RANBP2: variants seen among roughly 807,000 people sequenced by gnomAD.
The protein encoded by RANBP2 is E3 SUMO-protein ligase RanBP2.
In RANBP2, 57 loss-of-function variants were observed where a neutral mutation model predicts 303.6. The ratio of observed to expected loss-of-function variants is 0.19; its 90% CI spans 0.15 to 0.23. The LOEUF (loss-of-function observed/expected upper bound fraction) is 0.23, where lower values mean the gene tolerates loss of function less well. Ranked by LOEUF, RANBP2 falls within the 10% of genes least tolerant of loss-of-function variation. The pLI, the probability that RANBP2 is intolerant of heterozygous loss-of-function variation, is 1.00. For missense variants in RANBP2, 3,138 were observed against 3,780.8 expected (o/e 0.83, Z 4.46); for synonymous variants, 1,167 against 1,301.5 (o/e 0.90, Z 2.23).
At chr2:109,620,633 C>T in the RANBP2 span, among the ~76,000 whole-genome samples, 1 of 151,830 alleles carries the variant, frequency 6.6e-6, no homozygotes, top group Non-Finnish European at 1.5e-5. Flanking sequence ...ACCCGGGAGG[C>T]GGAGGTTGCA....
Position 108,766,275 on chromosome 2 carries a change from T to G in RANBP2, c.5736T>G (p.Ser1912Arg), listed in dbSNP as rs2556259. 3.4e-5 allele frequency: 55 copies of G among 1,612,198 alleles called. No individual in the cohort carries two copies. Among genetic ancestry groups the G allele is most frequent in the Non-Finnish European group, 4.2e-5 (49 of 1,179,996 alleles). Residue 1912 changes from serine to arginine, a missense_variant, in exon 20 of 29, where the codon AGT (serine) becomes AGG (arginine). Physicochemically the swap from Ser to Arg is moderately radical, Grantham distance 110. Around this residue, in one of 20 missense-constraint regions of RANBP2, gnomAD observed 348 missense variants for 360.4 expected, o/e 0.97. Transcript: ENST00000283195. ...ISEPGNQEKKSEKPLENGTGF... is the reference protein window; with the variant it reads ...ISEPGNQEKKREKPLENGTGF... ...AACCAGGAAATCAAGAAAAGAAAAG[T>G]GAAAAGCCTCTTGAAAATGGTACTG...
chr2:108,786,372 C>T (rs547967389), downstream of RANBP2, among the ~76,000 whole-genome samples: 1 of 151,824 alleles, frequency 6.6e-6, no homozygotes, highest in Non-Finnish European at 1.5e-5. Flanking sequence ...CGGGACTACA[C>T]GCGCGCCACC....
At chr2:109,392,436 A>G in the RANBP2 span, among the ~76,000 whole-genome samples, 2 of 152,232 alleles carry the variant, frequency 1.3e-5, no homozygotes, top group Admixed American at 1.3e-4. Context: ...CGTGGTGGAT[A>G]TAAGGGTCTG....
the RANBP2 span, among the ~76,000 whole-genome samples, chr2:109,629,527 A>G: frequency 6.6e-6 from 1 of 151,740 alleles, no homozygotes; most frequent in Non-Finnish European, 1.5e-5. Flanking sequence ...AAATGTGTGT[A>G]TGAGGCGAGG....
chr2:108,803,144 A>G, the RANBP2 span, among the ~76,000 whole-genome samples: 123,974 of 152,240 alleles, frequency 0.81, 50,618 homozygotes, highest in East Asian at 0.95. Flanking sequence ...AAGAGGCATT[A>G]AAGTGTTAGC....
chr2:109,220,072 T>C, the RANBP2 span, among the ~76,000 whole-genome samples: 3 of 152,302 alleles, frequency 2.0e-5, no homozygotes, highest in Admixed American at 6.5e-5. Flanking sequence ...GCATAAGGGA[T>C]AGATATATAA....
the RANBP2 span, among the ~76,000 whole-genome samples, chr2:109,006,602 T>A: frequency 6.6e-6 from 1 of 152,120 alleles, no homozygotes; most frequent in East Asian, 1.9e-4. Context: ...GTGACCTCAG[T>A]GGGATGTGGG....
the RANBP2 span, chr2:109,432,771 AG>A: frequency 1.6e-5 from 23 of 1,440,158 alleles, no homozygotes; most frequent in African/African-American, 2.8e-5. Context: ...AGCCGGGCCC[AG>A]AAGGCAGCAA....
the RANBP2 span, among the ~76,000 whole-genome samples, chr2:108,999,953 C>T: frequency 6.6e-6 from 1 of 152,126 alleles, no homozygotes; most frequent in Non-Finnish European, 1.5e-5. Context: ...GTGCCTTTGC[C>T]CAGGCTGCTT....
chr2:109,582,401 CT>C, the RANBP2 span, among the ~76,000 whole-genome samples: 1 of 152,160 alleles, frequency 6.6e-6, no homozygotes. Context: ...CTCACTGCAG[CT>C]TCGACTTCCC....
chr2:108,942,469 C>T, the RANBP2 span, among the ~76,000 whole-genome samples: 1 of 152,242 alleles, frequency 6.6e-6, no homozygotes, highest in South Asian at 2.1e-4. Context: ...CCCTGTGGAC[C>T]TGTGGCAGTT....
At chr2:109,020,229 A>G in the RANBP2 span, among the ~76,000 whole-genome samples, 3 of 152,244 alleles carry the variant, frequency 2.0e-5, no homozygotes, top group Non-Finnish European at 4.4e-5. Flanking sequence ...AGCAGCGCAC[A>G]CAGGCAAAGT....
At chr2:108,843,876 G>GTGTGTGTT in the RANBP2 span, among the ~76,000 whole-genome samples, 1,935 of 13,742 alleles carry the variant, frequency 0.14, 64 homozygotes, top group African/African-American at 0.18. Context: ...GTGTGTGTGT[G>GTGTGTGTT]TGTTTCTTTC....
the RANBP2 span, among the ~76,000 whole-genome samples, chr2:109,373,349 T>C: frequency 6.6e-6 from 1 of 152,192 alleles, no homozygotes; most frequent in Admixed American, 6.5e-5. Flanking sequence ...ATACCCAACA[T>C]ATACATGAAT....
the RANBP2 span, among the ~76,000 whole-genome samples, chr2:109,488,584 T>C: frequency 1.8e-4 from 28 of 152,238 alleles, no homozygotes; most frequent in Admixed American, 9.2e-4. Context: ...CCCAGGGTTC[T>C]GCCCCCGACC....
the RANBP2 span, among the ~76,000 whole-genome samples, chr2:109,438,606 C>T: frequency 2.6e-5 from 4 of 152,208 alleles, no homozygotes; most frequent in Non-Finnish European, 4.4e-5. Context: ...ACCCCTGGCT[C>T]CAGGGCCCTG....
At chr2:109,474,857 A>G in the RANBP2 span, among the ~76,000 whole-genome samples, 2 of 152,204 alleles carry the variant, frequency 1.3e-5, no homozygotes. Flanking sequence ...ACACTCACTC[A>G]TAGTCCAGCA....
chr2:109,185,875 A>G, the RANBP2 span, among the ~76,000 whole-genome samples: 1 of 152,204 alleles, frequency 6.6e-6, no homozygotes, highest in African/African-American at 2.4e-5. Context: ...TGCCTGTCAA[A>G]GGGGCCAAGT....
chr2:108,940,040 C>T, the RANBP2 span, among the ~76,000 whole-genome samples: 1 of 152,246 alleles, frequency 6.6e-6, no homozygotes, highest in African/African-American at 2.4e-5. Flanking sequence ...GAATCCCAAG[C>T]TATGTCAGCC....
Sources: gnomAD v4.1 joint callset for allele counts (sites outside exome capture counted in the v4.1 genomes callset) on GRCh38, gnomAD v4.1.1 for gene constraint, gnomAD v4.1.1 regional missense constraint, MANE v1.5 for transcripts, NCBI Gene and HGNC (gene_info 2026-07-23, HGNC 2026-07-21) for gene names.